The following INPP4A variants were observed in gnomAD, a reference collection of about 807,000 sequenced individuals.
INPP4A encodes inositol polyphosphate-4-phosphatase, type I, 107kD.
In INPP4A, 33 loss-of-function variants were observed where a neutral mutation model predicts 119.8. The ratio of observed to expected loss-of-function variants is 0.28; its 90% confidence interval spans 0.21 to 0.37. The LOEUF (loss-of-function observed/expected upper bound fraction) is 0.37, where lower values mean the gene tolerates loss of function less well. Ranked by LOEUF, INPP4A falls within the 10% of genes least tolerant of loss-of-function variation. The pLI is 1.00. For missense variants in INPP4A, 956 were observed against 1,289.9 expected (o/e 0.74, Z 3.97); for synonymous variants, 496 against 500.7 (o/e 0.99, Z 0.12).
At chr2:98,498,896 TG>T (rs1280460109) in intron 1 of INPP4A, among the ~76,000 whole-genome samples, 3 of 152,346 alleles carry the variant, frequency 2.0e-5, no homozygotes, top group Non-Finnish European at 4.4e-5. Context: ...CTGAATCAGC[TG>T]GCATCTTGAC....
chr2:98,486,073 CT>C (rs1679475392), intron 1 of INPP4A, among the ~76,000 whole-genome samples: 1 of 152,214 alleles, frequency 6.6e-6, no homozygotes, highest in Non-Finnish European at 1.5e-5. Context: ...GCACAGGCTA[CT>C]GCTTCCTTGG....
intron 10 of INPP4A, among the ~76,000 whole-genome samples, chr2:98,541,607 G>A (rs1036841476): frequency 1.2e-4 from 18 of 152,100 alleles, no homozygotes; most frequent in African/African-American, 4.3e-4. Context: ...CTTGAGACAG[G>A]GTATTGCTCT....
chr2:98,576,863 C>A, intron 23 of INPP4A, 126 bp from the exon 24 acceptor site: 1 of 1,171,816 alleles, frequency 8.5e-7, no homozygotes, highest in Non-Finnish European at 1.2e-6. Context: ...AGCGTCTGGC[C>A]AGGCCTGGGT....
intron 1 of INPP4A, among the ~76,000 whole-genome samples, chr2:98,500,629 G>T (rs1682933840): frequency 6.6e-6 from 1 of 152,138 alleles, no homozygotes; most frequent in Non-Finnish European, 1.5e-5. Flanking sequence ...TAGGGGGTCA[G>T]TGGATGGGAA....
chr2:98,494,213 G>T (rs1162908810), intron 1 of INPP4A, among the ~76,000 whole-genome samples: 1 of 152,188 alleles, frequency 6.6e-6, no homozygotes, highest in African/African-American at 2.4e-5. Flanking sequence ...AGGAGGGCAG[G>T]CTGTCAGCAT....
chr2:98,544,157 G>A, intron 11 of INPP4A, 150 bp downstream of exon 11: 1 of 659,838 alleles, frequency 1.5e-6, no homozygotes, highest in Non-Finnish European at 2.4e-6. Context: ...ACACTTTAAT[G>A]GATTTTTAAA....
At chr2:98,584,634 AC>A (rs1293679194) in intron 24 of INPP4A, among the ~76,000 whole-genome samples, 1 of 152,258 alleles carries the variant, frequency 6.6e-6, no homozygotes, top group African/African-American at 2.4e-5. Context: ...GAGAAATGAG[AC>A]CAAAGGGAGC....
rs369746112 is a variant in INPP4A, at chr2:98,588,346, T to G, written c.*738T>G. 3 of 200,606 alleles carry G rather than the reference T, an allele frequency of 1.5e-5. No homozygotes were observed. Among genetic ancestry groups the G allele is most frequent in the African/African-American group, 6.9e-5 (3 of 43,540 alleles). The allele number at this position is 200,606 out of a possible 1,614,324, so 12.4% of individuals were successfully genotyped here. ...GGTCCCTTTAGCCTGTCTCCTGTTC[T>G]CTGAAGCTCCCTGCCGAGGCTCCCT... On this transcript the variant is annotated 3_prime_UTR_variant, in exon 25 of 25. Transcript: ENST00000409851.
chr2:98,572,049 G>A (rs1052786989), intron 22 of INPP4A: 3 of 152,548 alleles, frequency 2.0e-5, no homozygotes, highest in Admixed American at 1.3e-4. Flanking sequence ...TAGATCCCAA[G>A]TGCTGCCATG....
chr2:98,516,266 T>G (rs1031227338), intron 1 of INPP4A, among the ~76,000 whole-genome samples: 1 of 152,202 alleles, frequency 6.6e-6, no homozygotes, highest in Non-Finnish European at 1.5e-5. Flanking sequence ...AGATTCTAAT[T>G]AAATGTCCCC....
intron 11 of INPP4A, among the ~76,000 whole-genome samples, chr2:98,545,201 G>A (rs1692257886): frequency 6.6e-6 from 1 of 152,088 alleles, no homozygotes; most frequent in Admixed American, 6.5e-5. Context: ...TCATATGCTG[G>A]CAGTATCAGT....
chr2:98,529,943 A>C (rs1688898302), intron 4 of INPP4A, among the ~76,000 whole-genome samples: 1 of 152,178 alleles, frequency 6.6e-6, no homozygotes, highest in Non-Finnish European at 1.5e-5. Flanking sequence ...GTTAATGAAG[A>C]GATATGACAG....
At chr2:98,464,702 C>T (rs1674388488) in intron 1 of INPP4A, among the ~76,000 whole-genome samples, 1 of 152,168 alleles carries the variant, frequency 6.6e-6, no homozygotes, top group Non-Finnish European at 1.5e-5. Context: ...GATCACAGCT[C>T]ATGATGCCTG....
intron 1 of INPP4A, among the ~76,000 whole-genome samples, chr2:98,502,911 T>C (rs534102476): frequency 4.1e-4 from 62 of 152,292 alleles, no homozygotes; most frequent in African/African-American, 1.4e-3. Flanking sequence ...TTTTGAGTTA[T>C]TGGATTTTAT....
chr2:98,503,081 G>A (rs894009276), intron 1 of INPP4A, among the ~76,000 whole-genome samples: 2 of 152,142 alleles, frequency 1.3e-5, no homozygotes, highest in African/African-American at 2.4e-5. Context: ...CTGTTCATGT[G>A]GTGGTGGGTG....
chr2:98,505,027 T>G (rs1683785412), intron 1 of INPP4A, among the ~76,000 whole-genome samples: 1 of 152,242 alleles, frequency 6.6e-6, no homozygotes, highest in South Asian at 2.1e-4. Flanking sequence ...CTAGGCTCTC[T>G]GTCTTTTCTT....
chr2:98,503,463 G>C (rs1227447247), intron 1 of INPP4A, among the ~76,000 whole-genome samples: 1 of 152,202 alleles, frequency 6.6e-6, no homozygotes, highest in Non-Finnish European at 1.5e-5. Context: ...TGTTCCTTTT[G>C]AAGTCAGATC....
At chr2:98,559,258 T>TGA (rs1401209184) in intron 16 of INPP4A, among the ~76,000 whole-genome samples, 1 of 152,252 alleles carries the variant, frequency 6.6e-6, no homozygotes, top group African/African-American at 2.4e-5. Flanking sequence ...TGTTTACCAC[T>TGA]GAGAGGGCTT....
chr2:98,462,377 G>A (rs1252560772), intron 1 of INPP4A, among the ~76,000 whole-genome samples: 1 of 152,276 alleles, frequency 6.6e-6, no homozygotes, highest in East Asian at 1.9e-4. Context: ...GAACCCGGGA[G>A]GCAGAGGTTG....
Sources: gnomAD v4.1 joint callset for allele counts (sites outside exome capture counted in the v4.1 genomes callset) on GRCh38, gnomAD v4.1.1 for gene constraint, MANE v1.5 for transcripts, NCBI Gene and HGNC (gene_info 2026-07-23, HGNC 2026-07-21) for gene names.